Variants in SORCS1 observed in about 807,000 individuals in gnomAD.
SORCS1 encodes VPS10 domain-containing receptor SorCS1.
A neutral mutation model predicts 146.1 loss-of-function variants in SORCS1; 60 were observed. The ratio of observed to expected loss-of-function variants is 0.41; its 90% CI spans 0.33 to 0.51. The LOEUF (loss-of-function observed/expected upper bound fraction) is 0.51. Ranked by LOEUF, SORCS1 falls within the 20% of genes least tolerant of loss-of-function variation. The pLI is 0.21. For missense variants in SORCS1, 1,352 were observed against 1,487.6 expected, an observed-to-expected ratio of 0.91 and a Z score of 1.50; for synonymous variants, 637 against 584.0, an observed-to-expected ratio of 1.09 and a Z score of -1.31.
intron 1 of SORCS1, among the ~76,000 whole-genome samples, chr10:107,096,079 A>C (rs1236560656): frequency 6.6e-6 from 1 of 152,182 alleles, no homozygotes; most frequent in African/African-American, 2.4e-5. Context: ...CCATTATAAG[A>C]TTACACAGCA....
intron 3 of SORCS1, among the ~76,000 whole-genome samples, chr10:106,809,777 T>C (rs1947368332): frequency 6.6e-6 from 1 of 152,230 alleles, no homozygotes; most frequent in South Asian, 2.1e-4. Context: ...TGTGTCTGTC[T>C]CTTTTCAAAC....
intron 18 of SORCS1, among the ~76,000 whole-genome samples, chr10:106,636,578 C>T (rs1286638609): frequency 6.6e-6 from 1 of 152,096 alleles, no homozygotes; most frequent in Non-Finnish European, 1.5e-5. Flanking sequence ...CTGTCAAATA[C>T]TTATAAGACC....
At chr10:106,920,439 A>C (rs1033750032) in intron 2 of SORCS1, among the ~76,000 whole-genome samples, 2 of 152,206 alleles carry the variant, frequency 1.3e-5, no homozygotes, top group Non-Finnish European at 2.9e-5. Flanking sequence ...TTCTGTAAAT[A>C]AAATGTCCGG....
chr10:107,134,071 C>T (rs1967071278), intron 1 of SORCS1, among the ~76,000 whole-genome samples: 1 of 152,090 alleles, frequency 6.6e-6, no homozygotes, highest in South Asian at 2.1e-4. Flanking sequence ...AGTAGCAGTG[C>T]TAGTAGTAGT....
intron 5 of SORCS1, among the ~76,000 whole-genome samples, chr10:106,738,840 A>T (rs1163062919): frequency 6.6e-6 from 1 of 152,066 alleles, no homozygotes; most frequent in Non-Finnish European, 1.5e-5. Flanking sequence ...AAAAATTTTT[A>T]AAAAGGCCAG....
intron 4 of SORCS1, among the ~76,000 whole-genome samples, chr10:106,768,660 G>T (rs1165729804): frequency 6.6e-6 from 1 of 152,164 alleles, no homozygotes; most frequent in Non-Finnish European, 1.5e-5. Context: ...TTTAGTGATT[G>T]TCTAAAAAGG....
At chr10:107,044,812 A>AGT in intron 1 of SORCS1, among the ~76,000 whole-genome samples, 1 of 131,406 alleles carries the variant, frequency 7.6e-6, no homozygotes, top group African/African-American at 2.9e-5. Flanking sequence ...ATTGTGTCTC[A>AGT]ATAAAAAAAA....
chr10:106,657,086 C>A (rs1850351411), intron 17 of SORCS1, among the ~76,000 whole-genome samples: 1 of 152,086 alleles, frequency 6.6e-6, no homozygotes, highest in Non-Finnish European at 1.5e-5. Flanking sequence ...CCATTCAATC[C>A]CGCAATCCCA....
rs143379416 is a variant in SORCS1 at position 106,652,307 on chromosome 10, T to C, written c.2475+75A>G. 824 of 1,415,334 alleles carry C rather than the reference T, an allele frequency of 5.8e-4. 7 individuals carry two copies. In the African/African-American group the frequency reaches 0.01, roughly 18 times the overall value. The allele number at this position is 1,415,334 out of a possible 1,614,324, so 87.7% of individuals were successfully genotyped here. ...AAAATGGAGAAAGTTGAAAAAGATATGGAAACAAAACCATGGTTTATTAAG... is the reference window on the plus strand; with the variant it reads ...AAAATGGAGAAAGTTGAAAAAGATACGGAAACAAAACCATGGTTTATTAAG... On this transcript the variant is annotated intron_variant, in intron 18 of 25. Transcript: ENST00000263054.
chr10:106,967,295 G>A (rs1955539874), intron 1 of SORCS1, among the ~76,000 whole-genome samples: 1 of 151,878 alleles, frequency 6.6e-6, no homozygotes, highest in African/African-American at 2.4e-5. Context: ...GCTGACCACT[G>A]CATATTCTTC....
intron 21 of SORCS1, among the ~76,000 whole-genome samples, chr10:106,615,927 T>C (rs755346044): frequency 2.8e-4 from 43 of 152,200 alleles, no homozygotes; most frequent in Non-Finnish European, 4.4e-4. Flanking sequence ...ATTATACTTG[T>C]CTCATGTTTT....
chr10:106,843,428 C>CTTT (rs1377783060), intron 2 of SORCS1, among the ~76,000 whole-genome samples: 1 of 74,144 alleles, frequency 1.3e-5, no homozygotes, highest in Admixed American at 2.3e-4. Context: ...GGCAGGATTT[C>CTTT]CTTTTTTTTT....
chr10:106,776,582 A>G lies in SORCS1; in HGVS notation c.837T>C (p.Phe279=), dbSNP rs138591694. The G allele has an allele frequency of 6.2e-7, 1 of 1,613,950 alleles. No individual in the cohort carries two copies. The highest frequency in any genetic ancestry group is 8.5e-7 in the Non-Finnish European group (1 of 1,179,958). ...RLNFYIQSLL[F]HPKQEDWILA... is the part of the protein sequence containing the mutation. ...GAATCCAGTCTTCTTGTTTGGGGTG[A>G]AAAAGCAAGCTTTGAATGTAGAAGT... The change falls in exon 4 of 26, where the codon TTT becomes TTC. Residue 279 remains phenylalanine (F), a synonymous_variant. Coordinates refer to ENST00000263054, the MANE Select transcript of SORCS1 (RefSeq NM_052918.5).
intron 1 of SORCS1, among the ~76,000 whole-genome samples, chr10:107,108,984 T>A (rs1307515716): frequency 6.6e-6 from 1 of 152,202 alleles, no homozygotes; most frequent in African/African-American, 2.4e-5. Flanking sequence ...CTTCTTTCAC[T>A]CCTTGTCCCA....
At chr10:106,620,757 C>T (rs1269890842) in intron 19 of SORCS1, among the ~76,000 whole-genome samples, 196 bp from the exon 20 acceptor site, 2 of 152,188 alleles carry the variant, frequency 1.3e-5, no homozygotes, top group Non-Finnish European at 2.9e-5. Flanking sequence ...TGACATTTTG[C>T]ACTTACCAAT....
At chr10:106,744,027 T>C (rs1023572241) in intron 5 of SORCS1, among the ~76,000 whole-genome samples, 28 of 152,204 alleles carry the variant, frequency 1.8e-4, no homozygotes, top group African/African-American at 6.3e-4. Flanking sequence ...TTGCCAGCCG[T>C]ACAATATTCT....
intron 3 of SORCS1, among the ~76,000 whole-genome samples, chr10:106,783,651 A>G (rs1178453248): frequency 1.3e-5 from 2 of 152,214 alleles, no homozygotes; most frequent in Admixed American, 6.5e-5. Flanking sequence ...TATATTCTTG[A>G]ACAAATAAAG....
At chr10:107,080,391 C>G (rs1366288961) in intron 1 of SORCS1, among the ~76,000 whole-genome samples, 2 of 152,130 alleles carry the variant, frequency 1.3e-5, no homozygotes, top group Non-Finnish European at 2.9e-5. Flanking sequence ...CCAGCATTAG[C>G]CAGAAGGGAC....
intron 4 of SORCS1, among the ~76,000 whole-genome samples, chr10:106,774,960 C>A (rs967305133): frequency 6.6e-6 from 1 of 152,150 alleles, no homozygotes; most frequent in Non-Finnish European, 1.5e-5. Context: ...AGGAAACCAA[C>A]GCTAAATACT....
Sources: allele counts gnomAD v4.1 joint callset (sites outside exome capture counted in the v4.1 genomes callset), GRCh38; gene constraint gnomAD v4.1.1; transcripts MANE v1.5; gene names NCBI Gene and HGNC (gene_info 2026-07-23, HGNC 2026-07-21).